The following TNRC6A variants were observed in gnomAD, a reference collection of about 807,000 sequenced individuals.
The protein encoded by TNRC6A is trinucleotide repeat containing adaptor 6A, also known as trinucleotide repeat-containing gene 6A protein.
In TNRC6A, 44 loss-of-function variants were observed where a neutral mutation model predicts 221.2. That is an observed-to-expected ratio of 0.20 (90% CI 0.16 to 0.26). The LOEUF (loss-of-function observed/expected upper bound fraction) is 0.26. TNRC6A is among the 10% of genes least tolerant of loss of function. TNRC6A has a pLI of 1.00. For synonymous variants in TNRC6A, 847 were observed against 838.5 expected (o/e 1.01, Z -0.18); for missense variants, 2,199 against 2,404.4 (o/e 0.91, Z 1.79).
chr16:24,688,219 G>A (rs1044208854), intron 2 of TNRC6A, among the ~76,000 whole-genome samples: 1 of 152,000 alleles, frequency 6.6e-6, no homozygotes, highest in South Asian at 2.1e-4. Context: ...GATTACAGGT[G>A]TGAGCCACCA....
chr16:24,777,989 T>TA (rs2057761400), intron 5 of TNRC6A, among the ~76,000 whole-genome samples: 1 of 152,212 alleles, frequency 6.6e-6, no homozygotes, highest in Non-Finnish European at 1.5e-5. Flanking sequence ...GATGGTCTGT[T>TA]AGTCTGTCCA....
At chr16:24,676,185 C>T (rs1415143542) in intron 2 of TNRC6A, among the ~76,000 whole-genome samples, 1 of 152,138 alleles carries the variant, frequency 6.6e-6, no homozygotes, top group Non-Finnish European at 1.5e-5. Flanking sequence ...ACTCCTCAAC[C>T]TTCTCCCCTG....
At chr16:24,794,802 ATT>A in intron 8 of TNRC6A, 83 bp downstream of exon 8, 1 of 1,393,626 alleles carries the variant, frequency 7.2e-7, no homozygotes, top group Non-Finnish European at 9.7e-7. Context: ...TCGCCTGCCC[ATT>A]TCTGGCGGTC....
In TNRC6A at chr16:24,805,171, A is replaced by G. The variant is rs2059134; in HGVS notation, c.4122+20A>G. ...CCTCAGGTAAATAAGCTTTCCTTACATTCTCCTGTTTACCTGCAAAAAGGA... is the reference window on the plus strand; with the variant it reads ...CCTCAGGTAAATAAGCTTTCCTTACGTTCTCCTGTTTACCTGCAAAAAGGA... On this transcript the variant is annotated intron_variant, in intron 14 of 24. Transcript: ENST00000395799. 0.26 allele frequency: 422,914 copies of G among 1,612,028 alleles called. 57,008 individuals are homozygous for G. Among genetic ancestry groups the G allele is most frequent in the Middle Eastern group, 0.31 (1,874 of 6,058 alleles).
intron 1 of TNRC6A, among the ~76,000 whole-genome samples, chr16:24,617,806 G>C (rs1900446065): frequency 6.6e-6 from 1 of 152,244 alleles, no homozygotes. Context: ...ATCCACGGAT[G>C]AGGAGGGCAT....
chr16:24,777,090 G>GCAGCCACAGCAGCAGCCA lies in TNRC6A; in HGVS notation c.327_344dup (p.Gln111_Gln116dup). ...AGCAACAGCAGCAGCCGCAGCAGCA[G>GCAGCCACAGCAGCAGCCA]CAGCCACAGCAGCAGCCACAGCCGC... is the stretch of plus-strand genomic sequence containing the variant. On this transcript the variant is annotated inframe_insertion, in exon 5 of 25. Coordinates refer to ENST00000395799, the MANE Select transcript of TNRC6A (RefSeq NM_014494.4). 1.2e-6 allele frequency: 2 copies of GCAGCCACAGCAGCAGCCA among 1,609,052 alleles called. No individual in the cohort carries two copies. The highest frequency in any genetic ancestry group is 1.3e-5 in the African/African-American group (1 of 74,764).
At chr16:24,808,268 T>G (rs2152011548) in intron 17 of TNRC6A, among the ~76,000 whole-genome samples, 1 of 152,376 alleles carries the variant, frequency 6.6e-6, no homozygotes, top group South Asian at 2.1e-4. Flanking sequence ...TTTCCTGCCC[T>G]GGCCAGCTTC....
Position 24,822,948 on chromosome 16 carries a change from C to A in TNRC6A, c.5448C>A (p.His1816Gln), listed in dbSNP as rs895472643. 1 of 1,614,242 alleles carries A rather than the reference C, an allele frequency of 6.2e-7. No homozygotes were observed. Among genetic ancestry groups the A allele is most frequent in the South Asian group, 1.1e-5 (1 of 91,090 alleles). Residue 1816 changes from histidine (H) to glutamine (Q), a missense_variant, in exon 24 of 25, where the codon CAC becomes CAA. Physicochemically the swap from His to Gln is conservative, Grantham distance 24. Coordinates refer to ENST00000395799, the MANE Select transcript of TNRC6A (RefSeq NM_014494.4). ...TCACATTCCACCTGAACCTCCCTCACGGAAATGCTCTGGTCCGCTACAGTT... is the reference window on the plus strand; with the variant it reads ...TCACATTCCACCTGAACCTCCCTCAAGGAAATGCTCTGGTCCGCTACAGTT... ...PLITFHLNLP[H>Q]GNALVRYSSK... is the part of the protein sequence containing the mutation.
intron 2 of TNRC6A, among the ~76,000 whole-genome samples, chr16:24,650,908 A>G (rs1198193868): frequency 6.6e-6 from 1 of 152,238 alleles, no homozygotes; most frequent in East Asian, 1.9e-4. Flanking sequence ...AAAATTAAGG[A>G]AACCTAAAAA....
intron 2 of TNRC6A, among the ~76,000 whole-genome samples, chr16:24,719,740 T>A (rs1306300565): frequency 6.6e-6 from 1 of 151,536 alleles, no homozygotes; most frequent in African/African-American, 2.4e-5. Context: ...ACTCAGGAGG[T>A]TGGGGCAGGA....
intron 1 of TNRC6A, among the ~76,000 whole-genome samples, chr16:24,611,960 G>A (rs1000106428): frequency 6.6e-6 from 1 of 152,038 alleles, no homozygotes; most frequent in African/African-American, 2.4e-5. Flanking sequence ...CAAGCATCGT[G>A]GTGCACATCT....
chr16:24,771,707 A>G (rs192362211), intron 4 of TNRC6A, among the ~76,000 whole-genome samples: 7 of 152,072 alleles, frequency 4.6e-5, no homozygotes, highest in Admixed American at 4.6e-4. Flanking sequence ...CCTCAGGACT[A>G]CAGACATCTG....
chr16:24,667,803 C>T (rs971286873), intron 2 of TNRC6A, among the ~76,000 whole-genome samples: 2 of 152,146 alleles, frequency 1.3e-5, no homozygotes, highest in African/African-American at 2.4e-5. Context: ...CTTTGGGAGG[C>T]TGAGGCAGGA....
At chr16:24,626,697 T>C (rs368211326) in intron 1 of TNRC6A, among the ~76,000 whole-genome samples, 12 of 148,758 alleles carry the variant, frequency 8.1e-5, no homozygotes, top group Middle Eastern at 7.2e-3. Context: ...TCGCCCAGGC[T>C]GGAATGCAGT....
intron 2 of TNRC6A, among the ~76,000 whole-genome samples, chr16:24,691,658 C>G (rs2055758539): frequency 6.6e-6 from 1 of 152,070 alleles, no homozygotes; most frequent in African/African-American, 2.4e-5. Flanking sequence ...GTCCCAGCTG[C>G]TCAGGAGGCT....
chr16:24,791,826 C>A lies in TNRC6A; in HGVS notation c.3175+9C>A. 1 of 1,505,458 alleles carries A rather than the reference C, an allele frequency of 6.6e-7. No individual in the cohort carries two copies. Among genetic ancestry groups the A allele is most frequent in the Non-Finnish European group, 8.8e-7 (1 of 1,131,988 alleles). 93.3% of individuals were successfully genotyped at this position (1,505,458 alleles called of 1,614,324 possible). ...GGCAAGCAGTGGCTCTGGTAAGTTT[C>A]TATTTTATGAAATCAAGCCTTGTTT... On this transcript the variant is annotated intron_variant, in intron 6 of 24. Transcript: ENST00000395799.
rs1274340571 is a variant in TNRC6A, at chr16:24,824,632, A to C, written c.*825A>C. 1.1e-5 allele frequency: 1 copy of C among 88,434 alleles called. No individual in the cohort carries two copies. The highest frequency in any genetic ancestry group is 3.1e-5 in the Non-Finnish European group (1 of 31,782). 5.5% of individuals were successfully genotyped at this position (88,434 alleles called of 1,614,324 possible). A position where few individuals can be genotyped will look rare whatever the true frequency, so the allele number is the denominator to read the frequency against. The stretch of plus-strand genomic sequence containing the variant: ...TCATTTAAAAAAAATGTAAAAGACA[A>C]AAAAAAAATGGAGGATGATTTAAAA... On this transcript the variant is annotated 3_prime_UTR_variant, in exon 25 of 25. Transcript: ENST00000395799.
chr16:24,814,365 A>G (rs1179296138), intron 18 of TNRC6A, among the ~76,000 whole-genome samples: 5 of 149,200 alleles, frequency 3.4e-5, no homozygotes, highest in South Asian at 4.2e-4. Context: ...TTCCCTTCCA[A>G]ATTTACTCCT....
At position 24,822,832 on chromosome 16, in the gene TNRC6A, G is replaced by T. The variant is rs377469738; in HGVS notation, c.5374-42G>T. On this transcript the variant is annotated intron_variant, in intron 23 of 24. Coordinates refer to ENST00000395799, the MANE Select transcript of TNRC6A (RefSeq NM_014494.4). Reference sequence around the variant, plus strand: ...CCTGAAACAGCCTCCTGGAGGGCCCGCGGTGACGCCTCTCACTGGCAGTTT... The same window carrying T: ...CCTGAAACAGCCTCCTGGAGGGCCCTCGGTGACGCCTCTCACTGGCAGTTT... The T allele has an allele frequency of 3.1e-6, 5 of 1,611,096 alleles. No individual in the cohort carries two copies. In the Admixed American group the frequency reaches 6.7e-5, roughly 21 times the overall value.
Sources: allele counts gnomAD v4.1 joint callset (sites outside exome capture counted in the v4.1 genomes callset), GRCh38; gene constraint gnomAD v4.1.1; transcripts MANE v1.5; gene names NCBI Gene and HGNC (gene_info 2026-07-23, HGNC 2026-07-21).